LIFR: variants seen among roughly 807,000 people sequenced by gnomAD.
LIFR encodes the protein leukemia inhibitory factor receptor.
LIFR carries 84 observed loss-of-function variants against 122.2 expected under a neutral mutation model. The ratio of observed to expected loss-of-function variants is 0.69; its 90% CI spans 0.58 to 0.82. LIFR has a LOEUF of 0.82. Ranked by LOEUF, LIFR falls within the 40% of genes least tolerant of loss-of-function variation. LIFR has a pLI of 0.00. For missense variants in LIFR, 1,294 were observed against 1,311.6 expected (o/e 0.99, Z 0.21); for synonymous variants, 422 against 434.7 (o/e 0.97, Z 0.36).
chr5:38,502,555 G>T, intron 11 of LIFR, 82 bp downstream of exon 11: 1 of 1,233,468 alleles, frequency 8.1e-7, no homozygotes, highest in African/African-American at 1.5e-5. Context: ...CACTGCACCC[G>T]GCCAACATCT....
At chr5:38,483,839 A>T (rs185453106) in intron 18 of LIFR, among the ~76,000 whole-genome samples, 135 of 152,326 alleles carry the variant, frequency 8.9e-4, no homozygotes, top group Non-Finnish European at 1.5e-3. Context: ...CAGGATTGCT[A>T]AAATATGTTC....
Position 38,478,942 on chromosome 5 carries a change from G to C in LIFR, c.*2653C>G, listed in dbSNP as rs1743846581. On this transcript the variant is annotated 3_prime_UTR_variant, in exon 20 of 20. Coordinates refer to ENST00000453190, the MANE Select transcript of LIFR (RefSeq NM_001127671.2). ...TAGTCCTTAATTGTAGCTTCCAAGG[G>C]AGAAGCCACGAATCTAACTGGACAG... is the stretch of plus-strand genomic sequence containing the variant. 8.7e-6 allele frequency: 2 copies of C among 229,834 alleles called. No individual in the cohort carries two copies. Among genetic ancestry groups the C allele is most frequent in the Non-Finnish European group, 8.6e-6 (1 of 115,970 alleles). The allele number at this position is 229,834 out of a possible 1,614,324, so 14.2% of individuals were successfully genotyped here. A position where few individuals can be genotyped will look rare whatever the true frequency, so the allele number is the denominator to read the frequency against.
chr5:38,544,964 T>C (rs1055510008), intron 1 of LIFR, among the ~76,000 whole-genome samples: 5 of 152,228 alleles, frequency 3.3e-5, no homozygotes, highest in Non-Finnish European at 7.3e-5. Context: ...AGATTATTAA[T>C]ATAAGTTAAA....
At chr5:38,557,853 T>C (rs1381377321), upstream of LIFR, 1 of 152,210 alleles carries the variant, frequency 6.6e-6, no homozygotes, top group Non-Finnish European at 1.5e-5. Flanking sequence ...TGTGCGTATT[T>C]TGAACACTAA....
intron 14 of LIFR, among the ~76,000 whole-genome samples, chr5:38,491,877 T>A (rs1162634157): frequency 6.6e-6 from 1 of 152,234 alleles, no homozygotes; most frequent in African/African-American, 2.4e-5. Flanking sequence ...GGTTATCATT[T>A]TATACTGCAT....
intron 1 of LIFR, among the ~76,000 whole-genome samples, chr5:38,545,858 TCTC>T: frequency 7.9e-6 from 1 of 126,754 alleles, no homozygotes; most frequent in South Asian, 2.4e-4. Flanking sequence ...CGAGACTCCA[TCTC>T]AAAAAAAAAG....
intron 1 of LIFR, among the ~76,000 whole-genome samples, chr5:38,533,855 G>C (rs1747151969): frequency 6.6e-6 from 1 of 152,190 alleles, no homozygotes; most frequent in African/African-American, 2.4e-5. Flanking sequence ...TGCACAGTCA[G>C]GGTGAAAGGA....
intron 12 of LIFR, among the ~76,000 whole-genome samples, chr5:38,497,178 G>T (rs927369983): frequency 6.6e-6 from 1 of 152,136 alleles, no homozygotes; most frequent in African/African-American, 2.4e-5. Flanking sequence ...GGCACCTCAG[G>T]AGGCTGAGGC....
rs753041700 is a variant in LIFR at position 38,482,656 on chromosome 5, G to C, written c.2603C>G (p.Thr868Ser). ...TGGATTTGGAATATCAGGGTAGAAG[G>C]TTTCTTTAATCCTTTAAATAAAAAA... ...CYRKREWIKE[T>S]FYPDIPNPEN... The change falls in exon 19 of 20, where the codon ACC (threonine) becomes AGC (serine). Residue 868 changes from threonine to serine, a missense_variant. Thr to Ser is a moderately conservative substitution (Grantham distance 58, BLOSUM62 1). Coordinates refer to ENST00000453190, the MANE Select transcript of LIFR (RefSeq NM_001127671.2). The C allele has an allele frequency of 2.1e-6, 3 of 1,418,802 alleles. No homozygotes were observed. In the African/African-American group the frequency reaches 4.3e-5, roughly 20 times the overall value. 87.9% of individuals were successfully genotyped at this position (1,418,802 alleles called of 1,614,324 possible). A position where few individuals can be genotyped will look rare whatever the true frequency, so the allele number is the denominator to read the frequency against.
At chr5:38,556,127 AGTCCGC>A (rs1748518936) in intron 1 of LIFR, among the ~76,000 whole-genome samples, 1 of 152,246 alleles carries the variant, frequency 6.6e-6, no homozygotes, top group African/African-American at 2.4e-5. Flanking sequence ...TGGGCGCTGG[AGTCCGC>A]GTCCCCCAGG....
intron 14 of LIFR, 52 bp from the exon 15 acceptor site, chr5:38,490,343 C>G: frequency 1.3e-6 from 1 of 798,078 alleles, no homozygotes; most frequent in South Asian, 1.6e-5. Context: ...CTATGAATAT[C>G]TATTTTAGAA....
At chr5:38,543,613 C>G (rs1747709706) in intron 1 of LIFR, among the ~76,000 whole-genome samples, 1 of 152,122 alleles carries the variant, frequency 6.6e-6, no homozygotes, top group Non-Finnish European at 1.5e-5. Flanking sequence ...AGATATCAGA[C>G]AAGATTTCAA....
chr5:38,526,069 G>A (rs1036555791), intron 4 of LIFR, among the ~76,000 whole-genome samples: 3 of 152,122 alleles, frequency 2.0e-5, no homozygotes, highest in African/African-American at 7.2e-5. Context: ...TTTCTTTATA[G>A]CATATAGGGA....
chr5:38,552,236 A>G (rs537256961), intron 1 of LIFR, among the ~76,000 whole-genome samples: 1 of 152,346 alleles, frequency 6.6e-6, no homozygotes, highest in Admixed American at 6.5e-5. Context: ...CTGGAAGATC[A>G]CAACACTTCT....
intron 16 of LIFR, among the ~76,000 whole-genome samples, chr5:38,488,543 A>G (rs1446074954): frequency 2.6e-5 from 4 of 152,218 alleles, no homozygotes. Context: ...AGAATTCTCT[A>G]AAGTCTTTGG....
intron 7 of LIFR, 59 bp from the exon 8 acceptor site, chr5:38,506,691 AT>A: frequency 7.0e-7 from 1 of 1,428,896 alleles, no homozygotes; most frequent in Non-Finnish European, 9.8e-7. Flanking sequence ...AAAACATAAT[AT>A]TTTATAAACG....
intron 1 of LIFR, among the ~76,000 whole-genome samples, chr5:38,582,129 T>C (rs1256882586): frequency 6.6e-6 from 1 of 151,698 alleles, no homozygotes; most frequent in Non-Finnish European, 1.5e-5. Context: ...CTCATGATCA[T>C]AGATCACTGC....
At chr5:38,595,543 A>G (rs1363576854), upstream of LIFR, 1 of 152,482 alleles carries the variant, frequency 6.6e-6, no homozygotes, top group Admixed American at 6.5e-5. Context: ...GGAAAACCAA[A>G]TTGTGTCTTG....
chr5:38,528,917 G>T, intron 2 of LIFR, 77 bp from the exon 3 acceptor site: 1 of 909,538 alleles, frequency 1.1e-6, no homozygotes, highest in Non-Finnish European at 1.8e-6. Flanking sequence ...TAAGTCAACT[G>T]CACTCTAAAA....
Sources: gnomAD v4.1 joint callset for allele counts (sites outside exome capture counted in the v4.1 genomes callset) on GRCh38, gnomAD v4.1.1 for gene constraint, MANE v1.5 for transcripts, NCBI Gene and HGNC (gene_info 2026-07-23, HGNC 2026-07-21) for gene names.